DPP10: variants seen among roughly 807,000 people sequenced by gnomAD.
DPP10 encodes the protein dipeptidyl peptidase like 10.
In DPP10, 33 loss-of-function variants were observed where a neutral mutation model predicts 120.9. The observed-to-expected ratio is 0.27, with a 90% CI of 0.21 to 0.37. The LOEUF is 0.37. DPP10 is among the 10% of genes least tolerant of loss of function. The pLI is 1.00. For missense variants in DPP10, 816 were observed against 942.8 expected (o/e 0.87, Z 1.76); for synonymous variants, 337 against 326.1 (o/e 1.03, Z -0.36).
intron 13 of DPP10, among the ~76,000 whole-genome samples, chr2:115,768,715 A>AT (rs943234691): frequency 6.6e-5 from 10 of 152,108 alleles, no homozygotes; most frequent in African/African-American, 2.2e-4. Context: ...TCTAGAGAAG[A>AT]TTTTTTATTC....
chr2:115,800,571 C>T (rs1343052103), intron 19 of DPP10, among the ~76,000 whole-genome samples: 1 of 151,998 alleles, frequency 6.6e-6, no homozygotes, highest in East Asian at 1.9e-4. Flanking sequence ...GGTTTTAGGT[C>T]TAACGTTTAA....
chr2:114,559,679 T>C (rs931636067), intron 1 of DPP10, among the ~76,000 whole-genome samples: 8 of 152,124 alleles, frequency 5.3e-5, no homozygotes, highest in Non-Finnish European at 7.4e-5. Context: ...GAGGGAGTTC[T>C]AGAGTGTGGG....
intron 1 of DPP10, among the ~76,000 whole-genome samples, chr2:114,871,433 A>G (rs1003976955): frequency 3.3e-5 from 5 of 152,178 alleles, no homozygotes; most frequent in African/African-American, 9.6e-5. Flanking sequence ...ATTAAAAGTA[A>G]TGATACAAGT....
chr2:115,726,097 A>T (rs1014562260), intron 7 of DPP10, among the ~76,000 whole-genome samples: 3 of 152,146 alleles, frequency 2.0e-5, no homozygotes, highest in Admixed American at 2.0e-4. Flanking sequence ...GGTGGAAGCA[A>T]TAAATATTAT....
intron 1 of DPP10, among the ~76,000 whole-genome samples, chr2:114,755,859 T>G (rs1352758908): frequency 6.6e-6 from 1 of 152,118 alleles, no homozygotes; most frequent in Non-Finnish European, 1.5e-5. Flanking sequence ...ATATCTTTAT[T>G]TTTCCTTTTA....
rs189021799 is a variant in DPP10, at chr2:115,716,899, G to A, written c.577-10917G>A. Among the ~76,000 whole-genome samples the A allele has an allele frequency of 1.0e-3, 153 of 152,232 alleles. 1 individual carries two copies. Among genetic ancestry groups the A allele is most frequent in the African/African-American group, 3.4e-3 (142 of 41,520 alleles). Reference sequence around the variant, plus strand: ...CTGCCCATAAACTGGAAAAGCATTAGGCACAAACCCACTGATAAGCATATG... The same window carrying A: ...CTGCCCATAAACTGGAAAAGCATTAAGCACAAACCCACTGATAAGCATATG... On this transcript the variant is annotated intron_variant, in intron 7 of 25. Coordinates refer to ENST00000410059, the MANE Select transcript of DPP10 (RefSeq NM_020868.6).
At chr2:115,471,461 C>G (rs1336114323) in intron 3 of DPP10, among the ~76,000 whole-genome samples, 1 of 152,110 alleles carries the variant, frequency 6.6e-6, no homozygotes, top group East Asian at 1.9e-4. Flanking sequence ...CAGTGATTGG[C>G]CCTTACCTTG....
chr2:115,175,964 G>C (rs1455200119), intron 1 of DPP10, among the ~76,000 whole-genome samples: 1 of 152,022 alleles, frequency 6.6e-6, no homozygotes, highest in Non-Finnish European at 1.5e-5. Context: ...TGTGAGCTGG[G>C]GTCCAAGATT....
At chr2:115,238,459 C>T (rs1366350423) in intron 1 of DPP10, among the ~76,000 whole-genome samples, 1 of 152,170 alleles carries the variant, frequency 6.6e-6, no homozygotes, top group African/African-American at 2.4e-5. Context: ...CATTGTACAG[C>T]CCTTGAGTTA....
At chr2:115,182,664 C>T (rs1346118831) in intron 1 of DPP10, among the ~76,000 whole-genome samples, 1 of 151,504 alleles carries the variant, frequency 6.6e-6, no homozygotes, top group Non-Finnish European at 1.5e-5. Context: ...GGAATATAAC[C>T]CTAGTCATGA....
intron 3 of DPP10, among the ~76,000 whole-genome samples, chr2:115,463,758 T>C (rs1558699318): frequency 6.6e-6 from 1 of 152,192 alleles, no homozygotes; most frequent in Non-Finnish European, 1.5e-5. Context: ...ATCCTGTCTC[T>C]CAACCAGTAC....
intron 9 of DPP10, among the ~76,000 whole-genome samples, chr2:115,742,638 G>A (rs937933216): frequency 2.6e-5 from 4 of 151,946 alleles, no homozygotes; most frequent in African/African-American, 9.7e-5. Context: ...ATCATTTTGG[G>A]TATGTTACGT....
chr2:114,814,810 A>T (rs1464836894), intron 1 of DPP10, among the ~76,000 whole-genome samples: 1 of 152,086 alleles, frequency 6.6e-6, no homozygotes, highest in Non-Finnish European at 1.5e-5. Context: ...CCTGGCTAGG[A>T]TCCTGTCATG....
At chr2:115,237,318 C>G (rs958020905) in intron 1 of DPP10, among the ~76,000 whole-genome samples, 3 of 152,036 alleles carry the variant, frequency 2.0e-5, no homozygotes, top group African/African-American at 4.8e-5. Flanking sequence ...TTTTGGAGTG[C>G]CATGAACCAT....
At chr2:115,824,697 A>G (rs901358055) in intron 21 of DPP10, among the ~76,000 whole-genome samples, 10 of 151,784 alleles carry the variant, frequency 6.6e-5, no homozygotes, top group African/African-American at 2.2e-4. Flanking sequence ...TGTATATGCT[A>G]CATTTTCGTT....
chr2:114,681,801 T>G (rs12995360), intron 1 of DPP10, among the ~76,000 whole-genome samples: 4,338 of 152,166 alleles, frequency 0.029, 100 homozygotes, highest in Middle Eastern at 0.037. Flanking sequence ...AACATTGTTA[T>G]GATAAATAAT....
chr2:114,960,397 A>G (rs1181741863), intron 1 of DPP10, among the ~76,000 whole-genome samples: 5 of 129,216 alleles, frequency 3.9e-5, no homozygotes, highest in Non-Finnish European at 6.6e-5. Context: ...CTTTTGTTGG[A>G]TGGAATATGA....
intron 1 of DPP10, among the ~76,000 whole-genome samples, chr2:114,498,144 T>A (rs1365171989): frequency 6.6e-6 from 1 of 152,210 alleles, no homozygotes; most frequent in African/African-American, 2.4e-5. Context: ...AACATATCCA[T>A]CACTCCAACT....
chr2:114,746,219 A>G (rs1678565416), intron 1 of DPP10, among the ~76,000 whole-genome samples: 1 of 152,066 alleles, frequency 6.6e-6, no homozygotes, highest in African/African-American at 2.4e-5. Context: ...TCTTGTTTCA[A>G]TCCTTACCCA....
Sources: gnomAD v4.1 joint callset for allele counts (sites outside exome capture counted in the v4.1 genomes callset) on GRCh38, gnomAD v4.1.1 for gene constraint, MANE v1.5 for transcripts, NCBI Gene and HGNC (gene_info 2026-07-23, HGNC 2026-07-21) for gene names.